Variants in PER2 observed in about 807,000 individuals in gnomAD.
PER2 encodes period circadian protein homolog 2.
PER2 carries 66 observed loss-of-function variants against 121.0 expected under a neutral mutation model. The ratio of observed to expected loss-of-function variants is 0.55; its 90% CI spans 0.45 to 0.67. The LOEUF is 0.67. PER2 is among the 30% of genes least tolerant of loss of function. The probability of loss-of-function intolerance (pLI) is 0.00; values close to 1 mark genes in which losing one functional copy is unlikely to be tolerated. For missense variants in PER2, 1,521 were observed against 1,635.0 expected (o/e 0.93, Z 1.20); for synonymous variants, 684 against 659.9 (o/e 1.04, Z -0.56).
At chr2:238,282,630 C>T (rs898844574) in intron 1 of PER2, among the ~76,000 whole-genome samples, 2 of 152,256 alleles carry the variant, frequency 1.3e-5, no homozygotes, top group African/African-American at 4.8e-5. Context: ...TCAGGCAGGG[C>T]CTGCCCGGTG....
At chr2:238,267,647 G>C (rs1696150600) in intron 8 of PER2, among the ~76,000 whole-genome samples, 2 of 152,186 alleles carry the variant, frequency 1.3e-5, no homozygotes. Flanking sequence ...GGGTTCTGGA[G>C]CAGGCAGCGA....
At chr2:238,255,550 A>T in intron 18 of PER2, 107 bp downstream of exon 18, 1 of 1,149,024 alleles carries the variant, frequency 8.7e-7, no homozygotes, top group Non-Finnish European at 1.3e-6. Flanking sequence ...CTTATATGTT[A>T]ATGCTTCTGA....
Position 238,258,582 on chromosome 2 carries a change from C to T in PER2, c.1690G>A (p.Gly564Arg), listed in dbSNP as rs1364372500. 1 of 1,614,168 alleles carries T rather than the reference C, an allele frequency of 6.2e-7. No homozygotes were observed. The highest frequency in any genetic ancestry group is 1.1e-5 in the South Asian group (1 of 91,084). The part of the protein sequence containing the change: ...AVPAMEKDSL[G>R]VSFPEELACK... ...GCCAACTCCTCGGGGAAGCTGACCCCCAGGCTGTCCTTTTCCATGGCAGGG... is the reference window on the plus strand; with the variant it reads ...GCCAACTCCTCGGGGAAGCTGACCCTCAGGCTGTCCTTTTCCATGGCAGGG... The change falls in exon 15 of 23, where the codon GGG becomes AGG. Residue 564 changes from glycine to arginine, a missense_variant. Coordinates refer to ENST00000254657, the MANE Select transcript of PER2 (RefSeq NM_022817.3).
chr2:238,298,503 T>C, the PER2 span: 3 of 152,082 alleles, frequency 2.0e-5, no homozygotes, highest in East Asian at 3.9e-4. Flanking sequence ...CTCTGGTAAG[T>C]GGGATTGTAA....
chr2:238,289,057 C>T (rs1696886422), upstream of PER2: 1 of 152,370 alleles, frequency 6.6e-6, no homozygotes, highest in East Asian at 1.9e-4. Flanking sequence ...GCCTTCCATT[C>T]ACTACGCCCT....
chr2:238,258,302 G>A lies in PER2; in HGVS notation c.1874C>T (p.Thr625Ile), dbSNP rs1452808305. 1.2e-6 allele frequency: 2 copies of A among 1,614,218 alleles called. No homozygotes were observed. Among genetic ancestry groups the A allele is most frequent in the East Asian group, 2.2e-5 (1 of 44,890 alleles). The change falls in exon 16 of 23, where the codon ACA becomes ATA. Residue 625 changes from threonine to isoleucine, a missense_variant. Transcript: ENST00000254657. ...ALRSSDKRKA[T>I]VSPGPHAGEA... ...TCCAGCGTGTGGCCCTGGGCTGACT[G>A]TGGCCTTCCGCTTATCACTGGACCT...
intron 12 of PER2, among the ~76,000 whole-genome samples, chr2:238,261,198 A>T (rs924387645): frequency 6.6e-6 from 1 of 152,254 alleles, no homozygotes. Context: ...GAATGTGTCC[A>T]ACCCGCTCAT....
chr2:238,288,090 C>A (rs1696842284), intron 1 of PER2, among the ~76,000 whole-genome samples: 1 of 152,124 alleles, frequency 6.6e-6, no homozygotes, highest in African/African-American at 2.4e-5. Context: ...TCCAGGAGAC[C>A]CGTGGGTGTC....
rs1347627947 is a variant in PER2, at chr2:238,268,012, G to C, written c.967+44C>G. 1 of 1,607,480 alleles carries C rather than the reference G, an allele frequency of 6.2e-7. No individual in the cohort carries two copies. The highest frequency in any genetic ancestry group is 1.3e-5 in the African/African-American group (1 of 74,836). On this transcript the variant is annotated intron_variant, in intron 8 of 22. Transcript: ENST00000254657. The surrounding 1 kb of genome is among the most constrained non-coding windows in gnomAD (Gnocchi z 4.0). ...GTGAACCACAGGAGTAACTGAGGGGGAGCCAGAGACAACATCTGCCCTCGC... is the reference window on the plus strand; with the variant it reads ...GTGAACCACAGGAGTAACTGAGGGGCAGCCAGAGACAACATCTGCCCTCGC...
At chr2:238,277,080 G>A (rs752403383) in intron 3 of PER2, 51 bp downstream of exon 3, 6 of 1,319,534 alleles carry the variant, frequency 4.5e-6, no homozygotes, top group African/African-American at 1.4e-5. Context: ...CCAATAAGAA[G>A]TCTTTCAATT....
intron 2 of PER2, among the ~76,000 whole-genome samples, 149 bp downstream of exon 2, chr2:238,277,542 CGTTATGAGGAAGGACA>C (rs1444053629): frequency 6.6e-6 from 1 of 152,196 alleles, no homozygotes; most frequent in African/African-American, 2.4e-5. Context: ...GACAGGGCCT[CGTTATGAGGAAGGACA>C]GACACTGGCA....
rs550494092 is a variant in PER2 at position 238,252,611 on chromosome 2, G to A, written c.3111+301C>T. 3.3e-5 allele frequency among the ~76,000 whole-genome samples: 5 copies of A among 152,312 alleles called. No individual in the cohort carries two copies. The South Asian group carries it at 6.2e-4, about 19-fold the overall frequency. ...CCTGACTGTGCTTTATCTCTGAAGC[G>A]TCATTTAAAAAGTCGAAGCCCACAA... On this transcript the variant is annotated intron_variant, in intron 19 of 22. Transcript: ENST00000254657. The surrounding 1 kb of genome is among the most constrained non-coding windows in gnomAD (Gnocchi z 4.2).
chr2:238,295,220 G>A, the PER2 span, among the ~76,000 whole-genome samples: 13 of 146,770 alleles, frequency 8.9e-5, no homozygotes, highest in Non-Finnish European at 1.5e-5. Context: ...TGTTGTTGTT[G>A]TTGTTCTTCT....
chr2:238,247,047 T>A (rs561707688), intron 22 of PER2, among the ~76,000 whole-genome samples: 2 of 152,298 alleles, frequency 1.3e-5, no homozygotes, highest in African/African-American at 4.8e-5. Context: ...AGGACATCTG[T>A]GATTTTCAAC....
rs553080095 is a variant in PER2 at position 238,272,829 on chromosome 2, T to A, written c.570+241A>T. 1.2e-4 allele frequency among the ~76,000 whole-genome samples: 19 copies of A among 152,318 alleles called. No homozygotes were observed. In the East Asian group the frequency reaches 3.5e-3, roughly 28 times the overall value. ...CACACTGGGTTTGCCCTTGCACCCA[T>A]GAGCTACAGGACAAAGTTGGTCAGG... On this transcript the variant is annotated intron_variant, in intron 5 of 22. Coordinates refer to ENST00000254657, the MANE Select transcript of PER2 (RefSeq NM_022817.3).
the PER2 span, among the ~76,000 whole-genome samples, chr2:238,296,845 G>A: frequency 6.6e-6 from 1 of 152,230 alleles, no homozygotes. Context: ...AGCCACCGTG[G>A]AAGAGCTTGC....
intron 6 of PER2, among the ~76,000 whole-genome samples, chr2:238,269,201 T>C (rs979285094): frequency 6.6e-6 from 1 of 152,268 alleles, no homozygotes; most frequent in Non-Finnish European, 1.5e-5. Flanking sequence ...TATGCAGTGC[T>C]AAAATTTTAG....
chr2:238,268,154 C>T lies in PER2; in HGVS notation c.869G>A (p.Arg290His), dbSNP rs746856531. 5 of 1,614,064 alleles carry T rather than the reference C, an allele frequency of 3.1e-6. No individual in the cohort carries two copies. Among genetic ancestry groups the T allele is most frequent in the South Asian group, 1.1e-5 (1 of 91,086 alleles). ...CACCTTGACCAGGTAGGGCGTCATG[C>T]GGAAGGGGTGGTAGCGGATTTCATT... is the stretch of plus-strand genomic sequence containing the variant. Reference protein sequence around the residue: ...HENEIRYHPFRMTPYLVKVRD... With the variant: ...HENEIRYHPFHMTPYLVKVRD... Residue 290 changes from arginine to histidine, a missense_variant, in exon 8 of 23, where the codon CGC becomes CAC. Physicochemically the swap from Arg to His is conservative, Grantham distance 29. Coordinates refer to ENST00000254657, the MANE Select transcript of PER2 (RefSeq NM_022817.3). This position sits in a 1 kb window ranked among gnomAD's most constrained non-coding sequence, Gnocchi z 4.0.
At chr2:238,250,864 A>G in intron 20 of PER2, 121 bp from the exon 21 acceptor site, 1 of 713,504 alleles carries the variant, frequency 1.4e-6, no homozygotes, top group East Asian at 2.7e-5. Context: ...GGTATTGGGT[A>G]TCTATGCCGG....
Sources: allele counts gnomAD v4.1 joint callset (sites outside exome capture counted in the v4.1 genomes callset), GRCh38; gene constraint gnomAD v4.1.1; non-coding constraint Gnocchi (gnomAD v3.1); transcripts MANE v1.5; gene names NCBI Gene and HGNC (gene_info 2026-07-23, HGNC 2026-07-21).